The following EIF2AK1 variants were observed in gnomAD, a reference collection of about 807,000 sequenced individuals.
The protein encoded by EIF2AK1 is eukaryotic translation initiation factor 2-alpha kinase 1.
In EIF2AK1, 54 loss-of-function variants were observed where a neutral mutation model predicts 77.9. The ratio of observed to expected loss-of-function variants is 0.69; its 90% CI spans 0.56 to 0.87. The LOEUF (loss-of-function observed/expected upper bound fraction) is 0.87. Ranked by LOEUF, EIF2AK1 falls within the 40% of genes least tolerant of loss-of-function variation. The pLI is 0.00. For missense variants in EIF2AK1, 810 were observed against 768.6 expected (o/e 1.05, Z -0.64); for synonymous variants, 314 against 290.5 (o/e 1.08, Z -0.82).
Position 6,027,047 on chromosome 7 carries a change from G to A in EIF2AK1, c.1531-86C>T, listed in dbSNP as rs1482710800. On this transcript the variant is annotated intron_variant, in intron 13 of 14. Coordinates refer to ENST00000199389, the MANE Select transcript of EIF2AK1 (RefSeq NM_014413.4). The surrounding 1 kb of genome is among the most constrained non-coding windows in gnomAD (Gnocchi z 4.5). ...TTTCCGTGTTCCACCCTCCAAACAGGAGAGGGTTTCTAAGAATGAGGATAT... is the reference window on the plus strand; with the variant it reads ...TTTCCGTGTTCCACCCTCCAAACAGAAGAGGGTTTCTAAGAATGAGGATAT... The A allele has an allele frequency of 6.3e-6, 7 of 1,111,782 alleles. No homozygotes were observed. The highest frequency in any genetic ancestry group is 8.1e-6 in the Non-Finnish European group (6 of 744,030). 68.9% of individuals were successfully genotyped at this position (1,111,782 alleles called of 1,614,324 possible).
rs12334207 is a variant in EIF2AK1, at chr7:6,032,035, T to A, written c.1333-3003A>T. Among the ~76,000 whole-genome samples, 127,628 of 152,034 alleles carry A rather than the reference T, an allele frequency of 0.84. 54,134 individuals are homozygous for A. The highest frequency in any genetic ancestry group is 0.96 in the African/African-American group (39,833 of 41,504). On this transcript the variant is annotated intron_variant, in intron 11 of 14. Coordinates refer to ENST00000199389, the MANE Select transcript of EIF2AK1 (RefSeq NM_014413.4). This position sits in a 1 kb window ranked among gnomAD's most constrained non-coding sequence, Gnocchi z 4.3. ...CTAAAAATACAAAAATTAGCCGGGC[T>A]TGGTGGCAGGAGCCTGTAATCTCAG...
chr7:6,025,872 A>G (rs1317741548), intron 14 of EIF2AK1, among the ~76,000 whole-genome samples: 1 of 151,792 alleles, frequency 6.6e-6, no homozygotes, highest in Non-Finnish European at 1.5e-5. Context: ...ACATCAGGCA[A>G]TCCTCCCACC....
rs760568809 is a variant in EIF2AK1, at chr7:6,023,396, A to G, written c.*1277T>C. 5 of 1,614,226 alleles carry G rather than the reference A, an allele frequency of 3.1e-6. No individual in the cohort carries two copies. Among genetic ancestry groups the G allele is most frequent in the Non-Finnish European group, 4.2e-6 (5 of 1,180,036 alleles). Reference sequence around the variant, plus strand: ...CGTTTCTTGTTCTCTCTGTTTGGCCAGAAGCATAATGCTGTCAACGCAACC... The same window carrying G: ...CGTTTCTTGTTCTCTCTGTTTGGCCGGAAGCATAATGCTGTCAACGCAACC... On this transcript the variant is annotated 3_prime_UTR_variant, in exon 15 of 15. Transcript: ENST00000199389.
chr7:6,048,468 A>G (rs1788507701), intron 4 of EIF2AK1, among the ~76,000 whole-genome samples: 1 of 152,206 alleles, frequency 6.6e-6, no homozygotes, highest in Non-Finnish European at 1.5e-5. Context: ...ATGCTTATCT[A>G]TTCATGGGCT....
rs1246090798 is a variant in EIF2AK1, at chr7:6,027,096, C to T, written c.1531-135G>A. The stretch of plus-strand genomic sequence containing the variant: ...ATACGGTCACCCACAAGGAAGGGAA[C>T]AGAGCAGGATAGCTCATCAGTGACA... On this transcript the variant is annotated intron_variant, in intron 13 of 14. Coordinates refer to ENST00000199389, the MANE Select transcript of EIF2AK1 (RefSeq NM_014413.4). This position sits in a 1 kb window ranked among gnomAD's most constrained non-coding sequence, Gnocchi z 4.5. 1.4e-6 allele frequency: 1 copy of T among 735,066 alleles called. No homozygotes were observed. The highest frequency in any genetic ancestry group is 1.8e-5 in the African/African-American group (1 of 56,706). 45.5% of individuals were successfully genotyped at this position (735,066 alleles called of 1,614,324 possible). A position where few individuals can be genotyped will look rare whatever the true frequency, so the allele number is the denominator to read the frequency against.
intron 8 of EIF2AK1, among the ~76,000 whole-genome samples, chr7:6,042,079 T>A (rs930753530): frequency 6.6e-6 from 1 of 150,718 alleles, no homozygotes; most frequent in East Asian, 2.0e-4. Context: ...AGTCCAGGAG[T>A]TGGAGGCTGC....
intron 4 of EIF2AK1, 47 bp downstream of exon 4, chr7:6,048,760 A>G: frequency 1.4e-6 from 2 of 1,417,558 alleles, no homozygotes; most frequent in South Asian, 2.6e-5. Context: ...CTTAATTTTG[A>G]TTTCTTTTCA....
Position 6,029,003 on chromosome 7 carries a change from A to T in EIF2AK1, c.1362T>A (p.Asp454Glu). The stretch of plus-strand genomic sequence containing the variant: ...CAAAGTCTCCTATTTTTACTTGCTG[A>T]TCAGGGCCATGAAGAAAAATATTTC... ...KPRNIFLHGP[D>E]QQVKIGDFGL... The change falls in exon 12 of 15, where the codon GAT becomes GAA. Residue 454 changes from aspartate to glutamate, a missense_variant. Coordinates refer to ENST00000199389, the MANE Select transcript of EIF2AK1 (RefSeq NM_014413.4). 6.2e-7 allele frequency: 1 copy of T among 1,612,744 alleles called. No homozygotes were observed. The highest frequency in any genetic ancestry group is 8.5e-7 in the Non-Finnish European group (1 of 1,179,758).
chr7:6,055,459 C>G (rs932607076), intron 1 of EIF2AK1, among the ~76,000 whole-genome samples: 5 of 151,154 alleles, frequency 3.3e-5, no homozygotes, highest in Non-Finnish European at 5.9e-5. Context: ...TCCTTCAATG[C>G]TCAAAAAATA....
chr7:6,048,895 TAAAG>T, intron 3 of EIF2AK1, 51 bp from the exon 4 acceptor site: 2 of 1,326,582 alleles, frequency 1.5e-6, no homozygotes, highest in Non-Finnish European at 2.1e-6. Flanking sequence ...TTGCATGGAA[TAAAG>T]AACCTATCAA....
At chr7:6,050,690 C>T (rs1049508439) in intron 2 of EIF2AK1, among the ~76,000 whole-genome samples, 1 of 150,370 alleles carries the variant, frequency 6.7e-6, no homozygotes, top group African/African-American at 2.5e-5. Context: ...GCAAGCTCTG[C>T]CTCCCGGGTT....
At chr7:6,056,455 G>A (rs1788764282) in intron 1 of EIF2AK1, among the ~76,000 whole-genome samples, 1 of 150,230 alleles carries the variant, frequency 6.7e-6, no homozygotes, top group African/African-American at 2.4e-5. Flanking sequence ...TTAGCTGGGT[G>A]TGGTGGCAGA....
At position 6,059,007 on chromosome 7, in the gene EIF2AK1, G is replaced by C. The variant is rs1279655929; in HGVS notation, c.77C>G (p.Ala26Gly). The change falls in exon 1 of 15, where the codon GCC becomes GGC. Residue 26 changes from alanine (A) to glycine (G), a missense_variant. This residue lies in a region of EIF2AK1 where 246 missense variants were observed against 199.0 expected (regional missense o/e 1.24). Transcript: ENST00000199389. ...DGAGAVAAPP[A>G]IDFPAEGPDP... ...CGGGCCCTCGGCGGGAAAGTCGATG[G>C]CCGGCGGCGCAGCCACAGCCCCAGC... 6.5e-7 allele frequency: 1 copy of C among 1,539,400 alleles called. No homozygotes were observed.
chr7:6,052,364 C>A (rs1309707997), intron 2 of EIF2AK1, among the ~76,000 whole-genome samples: 3 of 151,664 alleles, frequency 2.0e-5, no homozygotes, highest in African/African-American at 7.3e-5. Context: ...AAGGAATACA[C>A]TTCCTTCTGT....
chr7:6,030,691 G>T (rs2128885884), intron 11 of EIF2AK1, among the ~76,000 whole-genome samples: 1 of 152,226 alleles, frequency 6.6e-6, no homozygotes, highest in East Asian at 1.9e-4. Flanking sequence ...TAGCGACAGG[G>T]TTTCACCATG....
At chr7:6,026,432 T>G (rs1178793884) in intron 14 of EIF2AK1, 1 of 575,866 alleles carries the variant, frequency 1.7e-6, no homozygotes, top group African/African-American at 1.9e-5. Flanking sequence ...GGAAGTTTCC[T>G]ACCGGCCTTC....
intron 2 of EIF2AK1, 60 bp downstream of exon 2, chr7:6,054,486 G>GA: frequency 6.3e-7 from 1 of 1,591,116 alleles, no homozygotes; most frequent in Non-Finnish European, 8.6e-7. Context: ...TTACAGGCAT[G>GA]AACCACGGAG....
chr7:6,029,540 A>G (rs933730802), intron 11 of EIF2AK1, among the ~76,000 whole-genome samples: 4 of 151,994 alleles, frequency 2.6e-5, no homozygotes, highest in Non-Finnish European at 5.9e-5. Context: ...GGCCAGCTGC[A>G]TCAGAACTCC....
Position 6,022,305 on chromosome 7 carries a change from C to G in EIF2AK1, c.*2368G>C, listed in dbSNP as rs972605730. On this transcript the variant is annotated 3_prime_UTR_variant, in exon 15 of 15. Coordinates refer to ENST00000199389, the MANE Select transcript of EIF2AK1 (RefSeq NM_014413.4). ...AGAATATAGCATATAATATACAGACCATACAAAACGTGTTAATCAACTGTG... is the reference window on the plus strand; with the variant it reads ...AGAATATAGCATATAATATACAGACGATACAAAACGTGTTAATCAACTGTG... The G allele has an allele frequency of 1.3e-5, 2 of 152,086 alleles. No individual in the cohort carries two copies. Among genetic ancestry groups the G allele is most frequent in the African/African-American group, 4.8e-5 (2 of 41,404 alleles). The allele number at this position is 152,086 out of a possible 1,614,324, so 9.4% of individuals were successfully genotyped here.
Sources: allele counts gnomAD v4.1 joint callset (sites outside exome capture counted in the v4.1 genomes callset), GRCh38; gene constraint gnomAD v4.1.1; regional missense constraint gnomAD v4.1.1; non-coding constraint Gnocchi (gnomAD v3.1); transcripts MANE v1.5; gene names NCBI Gene and HGNC (gene_info 2026-07-23, HGNC 2026-07-21).